Variants in DPP8 observed in about 807,000 individuals in gnomAD.
The protein encoded by DPP8 is dipeptidyl peptidase 8, also known as DPP VIII.
DPP8 carries 31 observed loss-of-function variants against 107.5 expected under a neutral mutation model. That is an observed-to-expected ratio of 0.29 (90% CI 0.22 to 0.39). The LOEUF (loss-of-function observed/expected upper bound fraction) is 0.39. Among genes scored for constraint, DPP8 ranks in the 10% least tolerant of loss-of-function variants. The pLI, the probability that DPP8 is intolerant of heterozygous loss-of-function variation, is 1.00. For synonymous variants in DPP8, 381 were observed against 356.6 expected, an observed-to-expected ratio of 1.07 and a Z score of -0.77; for missense variants, 842 against 1,076.1, an observed-to-expected ratio of 0.78 and a Z score of 3.04.
At chr15:65,509,021 T>G (rs2070424905) in intron 2 of DPP8, among the ~76,000 whole-genome samples, 1 of 152,160 alleles carries the variant, frequency 6.6e-6, no homozygotes, top group African/African-American at 2.4e-5. Context: ...TTATGATAAC[T>G]CCCATGCTAA....
At position 65,478,936 on chromosome 15, in the gene DPP8, G is replaced by A. The variant is rs778327989; in HGVS notation, c.1400C>T (p.Thr467Ile). ...ATATTTGCTTTCCTTTAAAATAGAT[G>A]TAATTTTGTATAAATGACGGAAACC... is the stretch of plus-strand genomic sequence containing the variant. ...KTGFRHLYKITSILKESKYKR... is the reference protein window; with the variant it reads ...KTGFRHLYKIISILKESKYKR... The change falls in exon 11 of 20, where the codon ACA (threonine) becomes ATA (isoleucine). Residue 467 changes from threonine to isoleucine, a missense_variant. Physicochemically the swap from Thr to Ile is moderately conservative, Grantham distance 89. Around this residue, in one of 2 missense-constraint regions of DPP8, gnomAD observed 663 missense variants for 758.0 expected, o/e 0.87. Transcript: ENST00000300141. 3 of 1,593,896 alleles carry A rather than the reference G, an allele frequency of 1.9e-6. No individual in the cohort carries two copies. In the Admixed American group the frequency reaches 5.4e-5, roughly 28 times the overall value.
At position 65,507,252 on chromosome 15, in the gene DPP8, A is replaced by C; in HGVS notation, c.363T>G (p.Asp121Glu). 2 of 1,594,408 alleles carry C rather than the reference A, an allele frequency of 1.3e-6. No homozygotes were observed. Among genetic ancestry groups the C allele is most frequent in the Non-Finnish European group, 1.7e-6 (2 of 1,166,134 alleles). Residue 121 changes from aspartate to glutamate, a missense_variant, in exon 3 of 20, where the codon GAT becomes GAG. Physicochemically the swap from Asp to Glu is conservative, Grantham distance 45. Transcript: ENST00000300141. ...VLMLSWKPLL[D>E]LFQATLDYGM... Reference sequence around the variant, plus strand: ...CAACATTTAATCCTACCTGAAAAAGATCCAAAAGAGGCTTCCAAGAGAGCA... The same window carrying C: ...CAACATTTAATCCTACCTGAAAAAGCTCCAAAAGAGGCTTCCAAGAGAGCA...
Position 65,512,521 on chromosome 15 carries a change from A to G in DPP8, c.33T>C (p.Gly11=). The change falls in exon 2 of 20, where the codon GGT becomes GGC. Residue 11 remains glycine, a synonymous_variant. Transcript: ENST00000300141. Reference sequence around the variant, plus strand: ...AGTCCGCAGTTTCAAATATCTCAACACCCAGCTGTTCTGTTTCCATTGCTG... The same window carrying G: ...AGTCCGCAGTTTCAAATATCTCAACGCCCAGCTGTTCTGTTTCCATTGCTG... MAAAMETEQL[G]VEIFETADCE... is the part of the protein sequence containing the mutation. The G allele has an allele frequency of 6.2e-7, 1 of 1,613,934 alleles. No homozygotes were observed.
rs146913268 is a variant in DPP8 at position 65,503,906 on chromosome 15, T to G, written c.373-3127A>C. On this transcript the variant is annotated intron_variant, in intron 3 of 19. Coordinates refer to ENST00000300141, the MANE Select transcript of DPP8 (RefSeq NM_130434.5). ...TCCCAAAGTGCTGAGATTACAGGCATAAGCGACCGCACCTGGCCTTTTCTG... is the reference window on the plus strand; with the variant it reads ...TCCCAAAGTGCTGAGATTACAGGCAGAAGCGACCGCACCTGGCCTTTTCTG... 5.5e-4 allele frequency among the ~76,000 whole-genome samples: 83 copies of G among 151,938 alleles called. 1 individual carries two copies. The East Asian group carries it at 0.016, about 30-fold the overall frequency.
At chr15:65,499,105 G>GTGTGTGTGTGTGTGTGTGTGTGTA (rs1555468189) in intron 4 of DPP8, among the ~76,000 whole-genome samples, 119 of 138,810 alleles carry the variant, frequency 8.6e-4, no homozygotes, top group African/African-American at 3.1e-3. Context: ...GTGTGTGTGT[G>GTGTGTGTGTGTGTGTGTGTGTGTA]TATATATAAA....
chr15:65,484,298 C>A (rs1426039131), intron 8 of DPP8, among the ~76,000 whole-genome samples: 1 of 151,124 alleles, frequency 6.6e-6, no homozygotes, highest in Non-Finnish European at 1.5e-5. Flanking sequence ...TGCACTCCAG[C>A]CCGGGTGACA....
In DPP8 at chr15:65,480,492, T is replaced by C. The variant is rs534615610; in HGVS notation, c.1119-93A>G. 22 of 811,272 alleles carry C rather than the reference T, an allele frequency of 2.7e-5. No individual in the cohort carries two copies. The South Asian group carries it at 4.5e-4, about 16-fold the overall frequency. 50.3% of individuals were successfully genotyped at this position (811,272 alleles called of 1,614,324 possible). On this transcript the variant is annotated intron_variant, in intron 9 of 19. Coordinates refer to ENST00000300141, the MANE Select transcript of DPP8 (RefSeq NM_130434.5). ...TCTCCTTTGGCACCTATCAATTATA[T>C]CTGTAATCACCATGAAAGAACTGCT...
Position 65,481,614 on chromosome 15 carries a change from A to G in DPP8, c.1019T>C (p.Ile340Thr). Reference sequence around the variant, plus strand: ...TAGTTCCTTATCTATGACATCTATGATCTATTAAAAAAGAAAAAAAAAGAA... The same window carrying G: ...TAGTTCCTTATCTATGACATCTATGGTCTATTAAAAAAGAAAAAAAAAGAA... ...SEIMIDAEGR[I>T]IDVIDKELIQ... The change falls in exon 9 of 20, where the codon ATC (isoleucine) becomes ACC (threonine). Residue 340 changes from isoleucine to threonine, a missense_variant and splice_region_variant. Around this residue, in one of 2 missense-constraint regions of DPP8, gnomAD observed 663 missense variants for 758.0 expected, o/e 0.87. Coordinates refer to ENST00000300141, the MANE Select transcript of DPP8 (RefSeq NM_130434.5). 1 of 1,433,024 alleles carries G rather than the reference A, an allele frequency of 7.0e-7. No homozygotes were observed. The highest frequency in any genetic ancestry group is 1.5e-5 in the African/African-American group (1 of 68,136). The allele number at this position is 1,433,024 out of a possible 1,614,324, so 88.8% of individuals were successfully genotyped here.
chr15:65,449,694 G>T (rs2063824878), intron 19 of DPP8, among the ~76,000 whole-genome samples: 1 of 152,272 alleles, frequency 6.6e-6, no homozygotes, highest in East Asian at 1.9e-4. Context: ...ACAGGCGTGA[G>T]CCACTGCGAC....
chr15:65,450,140 G>A (rs951410535), intron 19 of DPP8, among the ~76,000 whole-genome samples: 10 of 151,952 alleles, frequency 6.6e-5, no homozygotes, highest in South Asian at 2.1e-4. Context: ...ACTAATTTTT[G>A]TATTTTTAGT....
intron 8 of DPP8, among the ~76,000 whole-genome samples, chr15:65,482,016 ATATG>A (rs1004886865): frequency 6.6e-6 from 1 of 151,438 alleles, no homozygotes; most frequent in African/African-American, 2.4e-5. Flanking sequence ...TTATACATAT[ATATG>A]TGTGTGTGTG....
At chr15:65,470,343 C>A (rs1291970372) in intron 12 of DPP8, among the ~76,000 whole-genome samples, 1 of 151,052 alleles carries the variant, frequency 6.6e-6, no homozygotes, top group Non-Finnish European at 1.5e-5. Context: ...TGGTGGCTCA[C>A]GCCTGTAATC....
chr15:65,463,780 A>T lies in DPP8; in HGVS notation c.1952T>A (p.Phe651Tyr). The T allele has an allele frequency of 2.5e-6, 4 of 1,613,212 alleles. No individual in the cohort carries two copies. The highest frequency in any genetic ancestry group is 3.4e-6 in the Non-Finnish European group (4 of 1,179,256). The part of the protein sequence containing the change: ...QPGKKYPTVL[F>Y]IYGGPQVQLV... ...GCCCACCTGAGGACCACCATATATGAACAGCACAGTAGGATATTTCTTTCC... is the reference window on the plus strand; with the variant it reads ...GCCCACCTGAGGACCACCATATATGTACAGCACAGTAGGATATTTCTTTCC... Residue 651 changes from phenylalanine (F) to tyrosine (Y), a missense_variant, in exon 15 of 20, where the codon TTC becomes TAC. Coordinates refer to ENST00000300141, the MANE Select transcript of DPP8 (RefSeq NM_130434.5).
chr15:65,512,059 T>C, intron 2 of DPP8: 1 of 652,086 alleles, frequency 1.5e-6, no homozygotes, highest in East Asian at 3.1e-5. Flanking sequence ...AAGCAATTTC[T>C]GGCATCTTCG....
At chr15:65,514,315 A>C (rs2071172563) in intron 1 of DPP8, among the ~76,000 whole-genome samples, 1 of 152,238 alleles carries the variant, frequency 6.6e-6, no homozygotes, top group Non-Finnish European at 1.5e-5. Context: ...ACTTTCAATG[A>C]CTAAAATCCA....
At chr15:65,485,074 G>C (rs759817848) in intron 8 of DPP8, 25 bp downstream of exon 8, 5 of 1,572,156 alleles carry the variant, frequency 3.2e-6, no homozygotes, top group Non-Finnish European at 4.4e-6. Context: ...TGACGCAGAA[G>C]GTCAACTCAG....
intron 1 of DPP8, among the ~76,000 whole-genome samples, chr15:65,514,594 T>C (rs1054190634): frequency 5.9e-5 from 9 of 152,186 alleles, no homozygotes; most frequent in African/African-American, 1.9e-4. Flanking sequence ...CACTGCAAAC[T>C]CTGCCTCCCA....
rs138216385 is a variant in DPP8, at chr15:65,483,563, C to T, written c.1017+1536G>A. 9.9e-3 allele frequency among the ~76,000 whole-genome samples: 1,478 copies of T among 149,502 alleles called. 19 individuals are homozygous for T. The highest frequency in any genetic ancestry group is 0.046 in the South Asian group (220 of 4,756). On this transcript the variant is annotated intron_variant, in intron 8 of 19. Coordinates refer to ENST00000300141, the MANE Select transcript of DPP8 (RefSeq NM_130434.5). ...AGAGATGGGGTTTTACCATATTAGG[C>T]AGGCTGGAGACTTTTCTTCAAACAA...
At chr15:65,512,191 C>G (rs1472330887) in intron 2 of DPP8, 104 bp downstream of exon 2, 1 of 1,161,186 alleles carries the variant, frequency 8.6e-7, no homozygotes, top group Non-Finnish European at 1.2e-6. Context: ...AACCAAAAGT[C>G]ACTGATTAAT....
Sources: gnomAD v4.1 joint callset for allele counts (sites outside exome capture counted in the v4.1 genomes callset) on GRCh38, gnomAD v4.1.1 for gene constraint, gnomAD v4.1.1 regional missense constraint, MANE v1.5 for transcripts, NCBI Gene and HGNC (gene_info 2026-07-23, HGNC 2026-07-21) for gene names.